Variants in GIGYF2 observed in about 807,000 individuals in gnomAD.
GIGYF2 encodes the protein GRB10 interacting GYF protein 2.
A neutral mutation model predicts 208.1 loss-of-function variants in GIGYF2; 25 were observed. That is an observed-to-expected ratio of 0.12 (90% CI 0.09 to 0.17). The LOEUF (loss-of-function observed/expected upper bound fraction) is 0.17. Ranked by LOEUF, GIGYF2 falls within the 10% of genes least tolerant of loss-of-function variation. The pLI is 1.00. For missense variants in GIGYF2, 1,302 were observed against 1,579.4 expected (o/e 0.82, Z 2.98); for synonymous variants, 534 against 543.8 (o/e 0.98, Z 0.25).
At chr2:232,742,952 G>A (rs1327711932) in intron 3 of GIGYF2, among the ~76,000 whole-genome samples, 1 of 152,144 alleles carries the variant, frequency 6.6e-6, no homozygotes, top group Non-Finnish European at 1.5e-5. Flanking sequence ...GGTCACAGCT[G>A]GACTTGAGAA....
intron 2 of GIGYF2, among the ~76,000 whole-genome samples, chr2:232,714,379 A>T (rs990088337): frequency 2.3e-4 from 35 of 152,132 alleles, no homozygotes; most frequent in African/African-American, 7.7e-4. Context: ...TTTAGCTAAA[A>T]CTTTAACATC....
intron 17 of GIGYF2, 23 bp downstream of exon 17, chr2:232,811,374 G>A (rs1700730215): frequency 3.3e-6 from 4 of 1,209,280 alleles, no homozygotes; most frequent in Non-Finnish European, 3.7e-6. Context: ...TCCATTATGT[G>A]TCATATGGGG....
intron 2 of GIGYF2, chr2:232,729,552 T>G (rs1397117822): frequency 2.9e-6 from 4 of 1,387,130 alleles, no homozygotes; most frequent in Non-Finnish European, 3.9e-6. Context: ...GCCACATCCA[T>G]GGACTGCACA....
intron 18 of GIGYF2, among the ~76,000 whole-genome samples, chr2:232,813,375 A>C (rs1574913932): frequency 6.6e-6 from 1 of 151,836 alleles, no homozygotes; most frequent in African/African-American, 2.4e-5. Flanking sequence ...ACACCTGACT[A>C]ATTTTTGTAT....
chr2:232,854,472 G>A (rs569995538), intron 28 of GIGYF2, among the ~76,000 whole-genome samples: 36 of 152,172 alleles, frequency 2.4e-4, no homozygotes, highest in African/African-American at 6.5e-4. Flanking sequence ...CAGCCTGGGC[G>A]ACAGAGTGAG....
chr2:232,754,120 G>C lies in GIGYF2; in HGVS notation c.268-2103G>C, dbSNP rs11688691. Among the ~76,000 whole-genome samples, 298 of 151,282 alleles carry C rather than the reference G, an allele frequency of 2.0e-3. 4 individuals carry two copies. Among genetic ancestry groups the C allele is most frequent in the African/African-American group, 6.9e-3 (284 of 41,254 alleles). On this transcript the variant is annotated intron_variant, in intron 5 of 28. Coordinates refer to ENST00000373563, the MANE Select transcript of GIGYF2 (RefSeq NM_001103146.3). ...GCGGAGGTTGCAGTGAGCTGAGATC[G>C]TGCCACTGCACTCCAGCCTGGATGA...
intron 2 of GIGYF2, among the ~76,000 whole-genome samples, chr2:232,722,325 C>G (rs1356196001): frequency 6.6e-6 from 1 of 152,174 alleles, no homozygotes; most frequent in Non-Finnish European, 1.5e-5. Context: ...AAGGCACCTT[C>G]TACACAAGGC....
At chr2:232,700,135 C>G (rs527941398) in intron 1 of GIGYF2, among the ~76,000 whole-genome samples, 1 of 152,130 alleles carries the variant, frequency 6.6e-6, no homozygotes, top group Non-Finnish European at 1.5e-5. Flanking sequence ...AGGTTTGCCT[C>G]AAAATCATGA....
intron 17 of GIGYF2, 94 bp from the exon 18 acceptor site, chr2:232,812,297 T>G (rs1343105888): frequency 5.8e-6 from 4 of 690,906 alleles, no homozygotes; most frequent in Non-Finnish European, 7.9e-6. Flanking sequence ...CCAAATAACC[T>G]GGAGAACCTG....
At chr2:232,822,176 T>TCC (rs769245698) in intron 21 of GIGYF2, among the ~76,000 whole-genome samples, 51 of 152,334 alleles carry the variant, frequency 3.3e-4, no homozygotes, top group South Asian at 1.2e-3. Context: ...CTCCTGTGGT[T>TCC]ATGATATGGA....
chr2:232,783,876 C>T (rs924593578), intron 8 of GIGYF2, among the ~76,000 whole-genome samples: 8 of 151,934 alleles, frequency 5.3e-5, no homozygotes, highest in Non-Finnish European at 1.2e-4. Flanking sequence ...TTAGTAGAGA[C>T]GGGGTTTCTC....
Position 232,857,310 on chromosome 2 carries a change from A to G in GIGYF2, c.*450A>G. ...GCAATCATGAAGAGAGTTAATGGTT[A>G]ACAGACATTGGCCAATAACAAAACA... On this transcript the variant is annotated 3_prime_UTR_variant, in exon 29 of 29. Coordinates refer to ENST00000373563, the MANE Select transcript of GIGYF2 (RefSeq NM_001103146.3). 2 of 232,730 alleles carry G rather than the reference A, an allele frequency of 8.6e-6. No individual in the cohort carries two copies. Among genetic ancestry groups the G allele is most frequent in the Non-Finnish European group, 1.7e-5 (2 of 116,298 alleles). The allele number at this position is 232,730 out of a possible 1,614,324, so 14.4% of individuals were successfully genotyped here.
rs780162732 is a variant in GIGYF2 at position 232,816,905 on chromosome 2, C to G, written c.2243C>G (p.Ala748Gly). 18 of 1,612,480 alleles carry G rather than the reference C, an allele frequency of 1.1e-5. No homozygotes were observed. In the African/African-American group the frequency reaches 2.3e-4, roughly 20 times the overall value. Residue 748 changes from alanine to glycine, a missense_variant, in exon 20 of 29, where the codon GCA (alanine) becomes GGA (glycine). Physicochemically the swap from Ala to Gly is moderately conservative, Grantham distance 60. Transcript: ENST00000373563. Reference sequence around the variant, plus strand: ...GAGAGAAGAGAGGCAGAAATGAGGGCAAAACGGGAAGAGGAAGAGCGAAAG... The same window carrying G: ...GAGAGAAGAGAGGCAGAAATGAGGGGAAAACGGGAAGAGGAAGAGCGAAAG... Reference protein sequence around the residue: ...EQERREAEMRAKREEEERKRQ... With the variant: ...EQERREAEMRGKREEEERKRQ...
chr2:232,706,293 A>G (rs1023932215), intron 2 of GIGYF2, among the ~76,000 whole-genome samples: 1 of 152,206 alleles, frequency 6.6e-6, no homozygotes, highest in South Asian at 2.1e-4. Context: ...GGGTGTTGAC[A>G]TAAGACATAT....
intron 2 of GIGYF2, among the ~76,000 whole-genome samples, chr2:232,723,462 G>T (rs35285732): frequency 7.2e-6 from 1 of 139,066 alleles, no homozygotes; most frequent in South Asian, 2.2e-4. Flanking sequence ...ACAGAGTCTC[G>T]CTCTGTCACC....
At position 232,749,016 on chromosome 2, in the gene GIGYF2, T is replaced by C; in HGVS notation, c.201T>C (p.Phe67=). The change falls in exon 5 of 29, where the codon TTT becomes TTC. Residue 67 remains phenylalanine, a synonymous_variant. Coordinates refer to ENST00000373563, the MANE Select transcript of GIGYF2 (RefSeq NM_001103146.3). ...CTTCAGACCTTCTGGATAAAGAATT[T>C]CTGCCTATCCTCCAGGAGGAACCCC... The part of the protein sequence containing the change: ...KIPSDLLDKE[F]LPILQEEPLP... The C allele has an allele frequency of 6.2e-7, 1 of 1,601,082 alleles. No individual in the cohort carries two copies. The highest frequency in any genetic ancestry group is 1.3e-5 in the African/African-American group (1 of 74,800).
intron 2 of GIGYF2, among the ~76,000 whole-genome samples, chr2:232,723,813 A>G (rs1416117042): frequency 7.2e-6 from 1 of 139,772 alleles, no homozygotes; most frequent in African/African-American, 2.7e-5. Flanking sequence ...GCTCACCGCA[A>G]CCTCCGCCTC....
intron 5 of GIGYF2, among the ~76,000 whole-genome samples, chr2:232,752,144 C>G (rs1368354644): frequency 6.6e-6 from 1 of 152,044 alleles, no homozygotes; most frequent in Non-Finnish European, 1.5e-5. Flanking sequence ...TATTTGGTAG[C>G]CTTTATCATT....
chr2:232,758,300 G>T (rs1041126047), intron 6 of GIGYF2, among the ~76,000 whole-genome samples: 1 of 152,150 alleles, frequency 6.6e-6, no homozygotes, highest in Admixed American at 6.5e-5. Context: ...TAAATATCAT[G>T]TACTAGTAAA....
Sources: allele counts gnomAD v4.1 joint callset (sites outside exome capture counted in the v4.1 genomes callset), GRCh38; gene constraint gnomAD v4.1.1; transcripts MANE v1.5; gene names NCBI Gene and HGNC (gene_info 2026-07-23, HGNC 2026-07-21).